SHISAL1: variants seen among roughly 807,000 people sequenced by gnomAD.
SHISAL1 encodes protein shisa-like-1.
In SHISAL1, 9 loss-of-function variants were observed where a neutral mutation model predicts 22.6. That is an observed-to-expected ratio of 0.40 (90% CI 0.24 to 0.70). The LOEUF (loss-of-function observed/expected upper bound fraction) is 0.70. SHISAL1 is among the 30% of genes least tolerant of loss of function. SHISAL1 has a pLI of 0.39. For missense variants in SHISAL1, 246 were observed against 270.6 expected, an observed-to-expected ratio of 0.91 and a Z score of 0.64; for synonymous variants, 119 against 115.4, an observed-to-expected ratio of 1.03 and a Z score of -0.20.
At chr22:44,263,830 A>G (rs1442320353) in intron 4 of SHISAL1, among the ~76,000 whole-genome samples, 1 of 152,206 alleles carries the variant, frequency 6.6e-6, no homozygotes, top group Non-Finnish European at 1.5e-5. Flanking sequence ...AGTGTTCATG[A>G]GTCTCCTTTC....
intron 4 of SHISAL1, among the ~76,000 whole-genome samples, chr22:44,272,227 G>C (rs953671611): frequency 6.6e-6 from 1 of 152,204 alleles, no homozygotes; most frequent in African/African-American, 2.4e-5. Flanking sequence ...ATCTCCATCT[G>C]AACTCCAGAT....
At chr22:44,306,414 G>A (rs1247129153) in intron 1 of SHISAL1, among the ~76,000 whole-genome samples, 4 of 144,438 alleles carry the variant, frequency 2.8e-5, no homozygotes, top group Admixed American at 1.4e-4. Context: ...ACGATGGCGT[G>A]TGCAGAGGGG....
chr22:44,305,045 C>T (rs528777753), intron 1 of SHISAL1, among the ~76,000 whole-genome samples: 18 of 152,292 alleles, frequency 1.2e-4, no homozygotes, highest in African/African-American at 4.1e-4. Context: ...CTGGGGGGTA[C>T]TCTTCCTTCA....
chr22:44,298,902 C>T (rs1268986681), intron 2 of SHISAL1, among the ~76,000 whole-genome samples: 3 of 152,328 alleles, frequency 2.0e-5, no homozygotes, highest in Admixed American at 6.5e-5. Flanking sequence ...GAAGCCTCCC[C>T]GGCTGCCTTC....
At chr22:44,295,048 AT>A (rs1247232783) in intron 3 of SHISAL1, among the ~76,000 whole-genome samples, 3 of 152,116 alleles carry the variant, frequency 2.0e-5, no homozygotes, top group African/African-American at 4.8e-5. Flanking sequence ...TACTAACTGG[AT>A]TTTTTTGGGG....
At chr22:44,250,137 C>A (rs897438410) in intron 4 of SHISAL1, among the ~76,000 whole-genome samples, 1 of 152,204 alleles carries the variant, frequency 6.6e-6, no homozygotes, top group Non-Finnish European at 1.5e-5. Context: ...TGGCTTGGGA[C>A]AGTCTCAGTT....
chr22:44,285,722 A>G lies in SHISAL1; in HGVS notation c.305T>C (p.Val102Ala), dbSNP rs2055310056. The G allele has an allele frequency of 6.2e-7, 1 of 1,613,204 alleles. No individual in the cohort carries two copies. The highest frequency in any genetic ancestry group is 8.5e-7 in the Non-Finnish European group (1 of 1,179,282). ...MHNNYTALLG[V>A]WIYGFFVLML... Reference sequence around the variant, plus strand: ...CAACACGAAAAATCCATAGATCCACACTCCCAACAAGGCGGTGTAATTGCT... The same window carrying G: ...CAACACGAAAAATCCATAGATCCACGCTCCCAACAAGGCGGTGTAATTGCT... Residue 102 changes from valine (V) to alanine (A), a missense_variant, in exon 4 of 5, where the codon GTG (valine) becomes GCG (alanine). Physicochemically the swap from Val to Ala is moderately conservative, Grantham distance 64 (BLOSUM62 0). Transcript: ENST00000381176.
intron 1 of SHISAL1, among the ~76,000 whole-genome samples, chr22:44,306,904 C>T (rs1399199481): frequency 3.6e-5 from 5 of 138,232 alleles, no homozygotes; most frequent in African/African-American, 1.1e-4. Context: ...ATGATGATGG[C>T]GTGTGTGGAA....
chr22:44,301,246 A>G (rs541336943), intron 1 of SHISAL1, among the ~76,000 whole-genome samples: 56 of 152,304 alleles, frequency 3.7e-4, no homozygotes, highest in African/African-American at 1.3e-3. Flanking sequence ...GGTGGTGGAA[A>G]TGACCGGCCG....
chr22:44,252,179 T>C (rs1255460551), intron 4 of SHISAL1, among the ~76,000 whole-genome samples: 2 of 152,124 alleles, frequency 1.3e-5, no homozygotes, highest in Non-Finnish European at 2.9e-5. Flanking sequence ...GGAGGTGATA[T>C]AAGTAAACTA....
chr22:44,243,752 C>A lies in SHISAL1; in HGVS notation c.*5933G>T, dbSNP rs904209182. ...GTATATAAAGACAAAAGCAGAGCAA[C>A]AGCGGTCAGTGAAAAACACATGATT... On this transcript the variant is annotated 3_prime_UTR_variant, in exon 5 of 5. Transcript: ENST00000381176. The A allele has an allele frequency of 7.9e-5, 12 of 152,182 alleles. No homozygotes were observed. The highest frequency in any genetic ancestry group is 2.4e-4 in the African/African-American group (10 of 41,442). The allele number at this position is 152,182 out of a possible 1,614,324, so 9.4% of individuals were successfully genotyped here. A position where few individuals can be genotyped will look rare whatever the true frequency, so the allele number is the denominator to read the frequency against.
chr22:44,252,975 GAC>G (rs1341290982), intron 4 of SHISAL1, among the ~76,000 whole-genome samples: 2 of 151,588 alleles, frequency 1.3e-5, no homozygotes, highest in Non-Finnish European at 2.9e-5. Context: ...CAGCCTGGGT[GAC>G]AGAGTGAGAC....
intron 3 of SHISAL1, among the ~76,000 whole-genome samples, chr22:44,294,367 C>T (rs1011348807): frequency 2.0e-5 from 3 of 152,184 alleles, no homozygotes; most frequent in Non-Finnish European, 4.4e-5. Flanking sequence ...GTGAATGCAG[C>T]ATGGTGGCAA....
chr22:44,315,741 T>C (rs1472469671), upstream of SHISAL1, among the ~76,000 whole-genome samples: 1 of 152,156 alleles, frequency 6.6e-6, no homozygotes, highest in Non-Finnish European at 1.5e-5. Flanking sequence ...TCTTCCTTTG[T>C]GGATGGTGCC....
At chr22:44,284,226 T>C (rs2055295621) in intron 4 of SHISAL1, among the ~76,000 whole-genome samples, 1 of 152,136 alleles carries the variant, frequency 6.6e-6, no homozygotes, top group South Asian at 2.1e-4. Context: ...CTCACGTCAT[T>C]GCTGCCTCCA....
chr22:44,309,854 G>A (rs1470285958), intron 1 of SHISAL1, among the ~76,000 whole-genome samples: 1 of 152,230 alleles, frequency 6.6e-6, no homozygotes, highest in Non-Finnish European at 1.5e-5. Flanking sequence ...TCTGAAACGT[G>A]AAGTCCAGGA....
chr22:44,330,748 G>C, the SHISAL1 span, among the ~76,000 whole-genome samples: 1 of 152,162 alleles, frequency 6.6e-6, no homozygotes, highest in African/African-American at 2.4e-5. Context: ...GAGACGCTTG[G>C]GGTCTCGTTG....
chr22:44,264,496 C>T lies in SHISAL1; in HGVS notation c.*-14811G>A, dbSNP rs554200865. Among the ~76,000 whole-genome samples, 17 of 152,130 alleles carry T rather than the reference C, an allele frequency of 1.1e-4. 1 individual carries two copies. The East Asian group carries it at 3.1e-3, about 28-fold the overall frequency. On this transcript the variant is annotated intron_variant, in intron 4 of 4. Transcript: ENST00000381176. ...GACATACCTTCCCATCCCCTGCAAA[C>T]CTGTCCTCCTTGCAGGGTCCAATGT...
the SHISAL1 span, among the ~76,000 whole-genome samples, chr22:44,320,613 C>T: frequency 6.6e-6 from 1 of 152,240 alleles, no homozygotes; most frequent in East Asian, 1.9e-4. Flanking sequence ...GGAGAGATGT[C>T]TCCTGATCTT....
Sources: allele counts gnomAD v4.1 joint callset (sites outside exome capture counted in the v4.1 genomes callset), GRCh38; gene constraint gnomAD v4.1.1; transcripts MANE v1.5; gene names NCBI Gene and HGNC (gene_info 2026-07-23, HGNC 2026-07-21).